DLG5: variants seen among roughly 807,000 people sequenced by gnomAD.
DLG5 encodes the protein disks large homolog 5.
In DLG5, 48 loss-of-function variants were observed where a neutral mutation model predicts 189.8. The ratio of observed to expected loss-of-function variants is 0.25; its 90% confidence interval spans 0.20 to 0.32. DLG5 has a LOEUF of 0.32. Ranked by LOEUF, DLG5 falls within the 10% of genes least tolerant of loss-of-function variation. The pLI is 1.00. For missense variants in DLG5, 2,160 were observed against 2,544.7 expected (o/e 0.85, Z 3.25); for synonymous variants, 1,016 against 1,054.1 (o/e 0.96, Z 0.70).
chr10:77,868,813 G>A (rs575443217), intron 2 of DLG5: 1 of 398,040 alleles, frequency 2.5e-6, no homozygotes, highest in South Asian at 2.7e-5. Context: ...CCTGGGCAGT[G>A]GTCACTGAGT....
At chr10:77,815,920 T>G (rs1204395541) in intron 20 of DLG5, 2 of 363,382 alleles carry the variant, frequency 5.5e-6, no homozygotes, top group East Asian at 7.3e-5. Context: ...ACGGATTCCA[T>G]GGAGGAGGTG....
intron 1 of DLG5, among the ~76,000 whole-genome samples, chr10:77,877,040 C>CCTTA (rs1564569942): frequency 6.6e-6 from 1 of 151,990 alleles, no homozygotes; most frequent in Non-Finnish European, 1.5e-5. Flanking sequence ...TGTGTCCATT[C>CCTTA]CTTAACACAT....
chr10:77,826,062 C>A (rs916388987), intron 13 of DLG5, among the ~76,000 whole-genome samples: 1 of 152,180 alleles, frequency 6.6e-6, no homozygotes, highest in East Asian at 1.9e-4. Flanking sequence ...GGGAGGACTG[C>A]AAAAGCCATG....
Position 77,830,863 on chromosome 10 carries a change from C to A in DLG5, c.1759G>T (p.Glu587Ter). The A allele has an allele frequency of 6.2e-7, 1 of 1,614,094 alleles. No individual in the cohort carries two copies. Among genetic ancestry groups the A allele is most frequent in the Non-Finnish European group, 8.5e-7 (1 of 1,179,988 alleles). The change falls in exon 10 of 32, where the codon GAA becomes TAA. Residue 587 changes from glutamate (E) to a stop codon, truncating the protein, a stop_gained. Coordinates refer to ENST00000372391, the MANE Select transcript of DLG5 (RefSeq NM_004747.4). LOFTEE classifies it high-confidence loss of function. Reference sequence around the variant, plus strand: ...CGGGCCTCCTTTTCCAACTGGGATTCCATCTGTTCCCTGTGAACAGAGAGA... The same window carrying A: ...CGGGCCTCCTTTTCCAACTGGGATTACATCTGTTCCCTGTGAACAGAGAGA... ...RELKELKEQMESQLEKEARFR... is the reference protein window; with the variant it reads ...RELKELKEQM
upstream of DLG5, among the ~76,000 whole-genome samples, chr10:77,930,534 G>A (rs1387519648): frequency 6.6e-6 from 1 of 151,546 alleles, no homozygotes; most frequent in Non-Finnish European, 1.5e-5. Context: ...TTTTAGTAGA[G>A]ACGGGGGTTT....
At chr10:77,918,285 T>C (rs1367108214) in intron 1 of DLG5, among the ~76,000 whole-genome samples, 1 of 151,826 alleles carries the variant, frequency 6.6e-6, no homozygotes, top group Non-Finnish European at 1.5e-5. Flanking sequence ...TGGTGGCACA[T>C]GCCTGTAGTC....
At chr10:77,839,415 C>T (rs540394231) in intron 7 of DLG5, among the ~76,000 whole-genome samples, 1 of 152,184 alleles carries the variant, frequency 6.6e-6, no homozygotes, top group South Asian at 2.1e-4. Flanking sequence ...GCAAGAGGAT[C>T]GCTGGAACCC....
Position 77,811,118 on chromosome 10 carries a change from G to A in DLG5, c.4439C>T (p.Pro1480Leu), listed in dbSNP as rs1841746392. 1.9e-6 allele frequency: 3 copies of A among 1,612,130 alleles called. No homozygotes were observed. The highest frequency in any genetic ancestry group is 2.5e-6 in the Non-Finnish European group (3 of 1,179,968). The change falls in exon 23 of 32, where the codon CCC becomes CTC. Residue 1480 changes from proline (P) to leucine (L), a missense_variant. This residue lies in a region of DLG5 where 574 missense variants were observed against 644.2 expected (regional missense o/e 0.89). Coordinates refer to ENST00000372391, the MANE Select transcript of DLG5 (RefSeq NM_004747.4). ...LMEQDEGPST[P>L]PAKQSSSRIA... ...CCTGGAGCTGCTCTGCTTGGCTGGG[G>A]GGGTGCTAGGCCCCTCGTCCTGCTC...
intron 6 of DLG5, 74 bp downstream of exon 6, chr10:77,843,373 T>C: frequency 1.3e-6 from 2 of 1,550,796 alleles, no homozygotes; most frequent in Non-Finnish European, 1.7e-6. Context: ...ACTCATGCTG[T>C]TCTCATCCCC....
intron 27 of DLG5, among the ~76,000 whole-genome samples, chr10:77,800,228 G>A (rs1033263370): frequency 1.3e-5 from 2 of 152,212 alleles, no homozygotes; most frequent in South Asian, 4.1e-4. Flanking sequence ...CAGGTATAAT[G>A]GAACAGCTTG....
In DLG5 at chr10:77,840,837, C is replaced by G. The variant is rs1589195037; in HGVS notation, c.1437+1044G>C. 3.9e-5 allele frequency among the ~76,000 whole-genome samples: 6 copies of G among 152,308 alleles called. No homozygotes were observed. The South Asian group carries it at 1.2e-3, about 32-fold the overall frequency. On this transcript the variant is annotated intron_variant, in intron 7 of 31. Transcript: ENST00000372391. Reference sequence around the variant, plus strand: ...ATTCCCCACATCCCCTACCACTGCCCAGGCCTGACGAGGAGTTGCTGTCGG... The same window carrying G: ...ATTCCCCACATCCCCTACCACTGCCGAGGCCTGACGAGGAGTTGCTGTCGG...
At chr10:77,878,355 G>A (rs995068814) in intron 1 of DLG5, among the ~76,000 whole-genome samples, 11 of 152,200 alleles carry the variant, frequency 7.2e-5, no homozygotes, top group African/African-American at 2.7e-4. Flanking sequence ...AGCAACGAGA[G>A]GGAAAGCCCT....
chr10:77,907,179 G>A (rs922326423), intron 1 of DLG5, among the ~76,000 whole-genome samples: 4 of 152,148 alleles, frequency 2.6e-5, no homozygotes, highest in Admixed American at 6.6e-5. Flanking sequence ...CTGAGTTGGG[G>A]GTAGAGTAGG....
At chr10:77,910,360 T>C (rs1846184107) in intron 1 of DLG5, among the ~76,000 whole-genome samples, 1 of 152,196 alleles carries the variant, frequency 6.6e-6, no homozygotes, top group African/African-American at 2.4e-5. Context: ...CTGTAAAAGA[T>C]AAATATCAAT....
At chr10:77,859,491 G>A (rs1269998255) in intron 2 of DLG5, among the ~76,000 whole-genome samples, 1 of 152,102 alleles carries the variant, frequency 6.6e-6, no homozygotes, top group East Asian at 1.9e-4. Context: ...ATTCTGTACT[G>A]TTGCTGCAGC....
intron 1 of DLG5, among the ~76,000 whole-genome samples, chr10:77,905,281 A>T (rs576275013): frequency 6.6e-6 from 1 of 152,264 alleles, no homozygotes; most frequent in African/African-American, 2.4e-5. Flanking sequence ...GATTACAGGC[A>T]TGAGTCACCT....
intron 1 of DLG5, among the ~76,000 whole-genome samples, chr10:77,910,987 G>GAAAAAAAAAAAAAAAA: frequency 1.2e-5 from 1 of 84,260 alleles, no homozygotes; most frequent in Non-Finnish European, 2.4e-5. Flanking sequence ...CTGTCTGAAG[G>GAAAAAAAAAAAAAAAA]AAAAAAAAAA....
intron 8 of DLG5, among the ~76,000 whole-genome samples, chr10:77,835,321 A>C (rs1279667061): frequency 1.3e-5 from 2 of 151,832 alleles, no homozygotes; most frequent in Non-Finnish European, 2.9e-5. Context: ...TTCCTCCCTC[A>C]CTGCCGTGCC....
At chr10:77,914,351 G>A (rs1207948463) in intron 1 of DLG5, among the ~76,000 whole-genome samples, 1 of 152,154 alleles carries the variant, frequency 6.6e-6, no homozygotes, top group Non-Finnish European at 1.5e-5. Flanking sequence ...TCAGGGACAA[G>A]CTACCCCCAG....
Sources: gnomAD v4.1 joint callset for allele counts (sites outside exome capture counted in the v4.1 genomes callset) on GRCh38, gnomAD v4.1.1 for gene constraint, gnomAD v4.1.1 regional missense constraint, MANE v1.5 for transcripts, NCBI Gene and HGNC (gene_info 2026-07-23, HGNC 2026-07-21) for gene names.